The following UBAC2 variants were observed in gnomAD, a reference collection of about 807,000 sequenced individuals.
UBAC2 encodes UBA domain containing 2.
A neutral mutation model predicts 44.0 loss-of-function variants in UBAC2; 26 were observed. The observed-to-expected ratio is 0.59, with a 90% CI of 0.43 to 0.82. The LOEUF (loss-of-function observed/expected upper bound fraction) is 0.82. Ranked by LOEUF, UBAC2 falls within the 40% of genes least tolerant of loss-of-function variation. UBAC2 has a pLI of 0.00. For synonymous variants in UBAC2, 155 were observed against 154.3 expected, an observed-to-expected ratio of 1.00 and a Z score of -0.04; for missense variants, 329 against 419.4, an observed-to-expected ratio of 0.78 and a Z score of 1.88.
At chr13:99,201,594 A>C in intron 1 of UBAC2, 2 of 1,612,468 alleles carry the variant, frequency 1.2e-6, no homozygotes, top group Non-Finnish European at 1.7e-6. Context: ...TTTTACAGCC[A>C]GTTAAACGGC....
intron 4 of UBAC2, among the ~76,000 whole-genome samples, chr13:99,285,767 A>G (rs1489785235): frequency 1.3e-5 from 2 of 152,076 alleles, no homozygotes; most frequent in African/African-American, 4.8e-5. Context: ...TGAATGCTCT[A>G]TTTCTTAAAC....
In UBAC2 at chr13:99,318,043, A is replaced by G. The variant is rs201809418; in HGVS notation, c.535A>G (p.Ile179Val). The G allele has an allele frequency of 4.0e-4, 648 of 1,611,304 alleles. 5 individuals carry two copies. The East Asian group carries it at 0.014, about 36-fold the overall frequency. Residue 179 changes from isoleucine to valine, a missense_variant, in exon 6 of 9, where the codon ATC (isoleucine) becomes GTC (valine). By Grantham distance (29) the Ile-to-Val change is conservative (BLOSUM62 3). Coordinates refer to ENST00000403766, the MANE Select transcript of UBAC2 (RefSeq NM_001144072.2). ...GLQLFTSGSY[I>V]WIVAISGLMS... ...ATAGCTTTTCACCTCTGGTTCCTAC[A>G]TCTGGATTGTAGCCATAAGTGGACT...
intron 7 of UBAC2, among the ~76,000 whole-genome samples, chr13:99,341,271 C>A (rs1040670868): frequency 6.6e-6 from 1 of 152,150 alleles, no homozygotes; most frequent in South Asian, 2.1e-4. Flanking sequence ...AGTTGTAAAC[C>A]GTACAGTTAC....
intron 4 of UBAC2, among the ~76,000 whole-genome samples, chr13:99,293,643 C>G (rs537599018): frequency 6.6e-6 from 1 of 152,274 alleles, no homozygotes; most frequent in African/African-American, 2.4e-5. Context: ...TTACAAAGAC[C>G]AGTGCCTATT....
chr13:99,314,903 T>C (rs186902695), intron 5 of UBAC2: 4 of 152,406 alleles, frequency 2.6e-5, no homozygotes, highest in Admixed American at 2.0e-4. Flanking sequence ...TCTTTTACTC[T>C]CACGGCTTTT....
At chr13:99,345,742 T>TTTC (rs200867882) in intron 7 of UBAC2, among the ~76,000 whole-genome samples, 243 of 119,566 alleles carry the variant, frequency 2.0e-3, no homozygotes, top group Non-Finnish European at 3.4e-3. Context: ...TTTTTCTTTC[T>TTTC]TTTTTTTTTT....
intron 1 of UBAC2, among the ~76,000 whole-genome samples, chr13:99,223,896 C>T (rs967825813): frequency 2.0e-5 from 3 of 151,900 alleles, no homozygotes; most frequent in African/African-American, 7.3e-5. Flanking sequence ...CTCTTTTATG[C>T]CCAGAATATA....
At chr13:99,231,234 TCA>T (rs2043168973) in intron 1 of UBAC2, among the ~76,000 whole-genome samples, 1 of 152,162 alleles carries the variant, frequency 6.6e-6, no homozygotes, top group Non-Finnish European at 1.5e-5. Flanking sequence ...CAGTATTCTA[TCA>T]CAGTCACCTT....
chr13:99,237,210 A>C (rs1038383440), intron 1 of UBAC2, among the ~76,000 whole-genome samples: 6 of 151,562 alleles, frequency 4.0e-5, no homozygotes, highest in African/African-American at 1.5e-4. Flanking sequence ...TGAGTTTCCA[A>C]TGAATGGGAA....
intron 4 of UBAC2, among the ~76,000 whole-genome samples, chr13:99,262,361 G>A (rs2138645653): frequency 6.6e-6 from 1 of 152,272 alleles, no homozygotes; most frequent in Admixed American, 6.5e-5. Context: ...GAATAAGGGG[G>A]AACCACTGTA....
chr13:99,244,999 A>G (rs1051175951), intron 4 of UBAC2, among the ~76,000 whole-genome samples: 6 of 151,976 alleles, frequency 3.9e-5, no homozygotes, highest in African/African-American at 1.2e-4. Context: ...TGCCTGGCTA[A>G]TTTTTGTATT....
chr13:99,248,735 C>T (rs2043420521), intron 4 of UBAC2, among the ~76,000 whole-genome samples: 1 of 152,108 alleles, frequency 6.6e-6, no homozygotes, highest in African/African-American at 2.4e-5. Context: ...TTATTTTGCC[C>T]AGGCTGGTCT....
chr13:99,255,013 T>C (rs1275238828), intron 4 of UBAC2: 3 of 1,614,028 alleles, frequency 1.9e-6, no homozygotes, highest in Middle Eastern at 1.6e-4. Context: ...TGAAACGATG[T>C]AGTAGAGAAT....
chr13:99,285,022 T>C (rs1178452521), intron 4 of UBAC2, among the ~76,000 whole-genome samples: 1 of 152,216 alleles, frequency 6.6e-6, no homozygotes, highest in Admixed American at 6.5e-5. Context: ...CCTGGCATTT[T>C]AAAAGTATTT....
At chr13:99,377,646 A>G (rs1391672097) in intron 8 of UBAC2, 3 of 152,236 alleles carry the variant, frequency 2.0e-5, no homozygotes, top group South Asian at 2.1e-4. Flanking sequence ...TTTTAGAACA[A>G]CACAGTCTTT....
chr13:99,254,712 CTG>C, intron 4 of UBAC2: 1 of 592,024 alleles, frequency 1.7e-6, no homozygotes, highest in Non-Finnish European at 2.8e-6. Flanking sequence ...ATGCTTTTCT[CTG>C]AATAATTCAC....
At chr13:99,318,123 T>G (rs1221082664) in intron 6 of UBAC2, 54 bp downstream of exon 6, 7 of 1,496,970 alleles carry the variant, frequency 4.7e-6, no homozygotes, top group Admixed American at 3.4e-5. Flanking sequence ...GTAAAAACAT[T>G]AGGAAAATTG....
At chr13:99,238,639 A>T in intron 2 of UBAC2, 85 bp downstream of exon 2, 1 of 1,238,238 alleles carries the variant, frequency 8.1e-7, no homozygotes, top group African/African-American at 1.5e-5. Context: ...TCCTGCTGTT[A>T]GTCCCTCAAA....
intron 8 of UBAC2, among the ~76,000 whole-genome samples, chr13:99,381,268 A>C (rs1312888861): frequency 6.6e-6 from 1 of 152,224 alleles, no homozygotes; most frequent in Non-Finnish European, 1.5e-5. Context: ...TGTGGATTCC[A>C]AACCAAATGT....
Sources: gnomAD v4.1 joint callset for allele counts (sites outside exome capture counted in the v4.1 genomes callset) on GRCh38, gnomAD v4.1.1 for gene constraint, MANE v1.5 for transcripts, NCBI Gene and HGNC (gene_info 2026-07-23, HGNC 2026-07-21) for gene names.